The following HFM1 variants were observed in gnomAD, a reference collection of about 807,000 sequenced individuals.
HFM1 encodes probable ATP-dependent DNA helicase HFM1.
HFM1 carries 169 observed loss-of-function variants against 192.1 expected under a neutral mutation model. The ratio of observed to expected loss-of-function variants is 0.88; its 90% confidence interval spans 0.78 to 1.00. The LOEUF (loss-of-function observed/expected upper bound fraction) is 1.00, where lower values mean the gene tolerates loss of function less well. HFM1 is among the 50% of genes least tolerant of loss of function. The pLI is 0.00. For synonymous variants in HFM1, 525 were observed against 537.8 expected, an observed-to-expected ratio of 0.98 and a Z score of 0.33; for missense variants, 1,661 against 1,668.0, an observed-to-expected ratio of 1.00 and a Z score of 0.07.
intron 30 of HFM1, among the ~76,000 whole-genome samples, chr1:91,282,512 C>G (rs948811403): frequency 1.3e-5 from 2 of 152,148 alleles, no homozygotes; most frequent in Admixed American, 6.5e-5. Context: ...AATGTCTCAT[C>G]ACCCTTGGTT....
In HFM1 at chr1:91,329,089, T is replaced by A. The variant is rs1653395413; in HGVS notation, c.2336-4323A>T. Reference sequence around the variant, plus strand: ...CTAGGCAGTGACTACTGTAAGAGTATCTGGAGTATTGGGCCCAAGCGGGCT... The same window carrying A: ...CTAGGCAGTGACTACTGTAAGAGTAACTGGAGTATTGGGCCCAAGCGGGCT... On this transcript the variant is annotated intron_variant, in intron 20 of 38. Coordinates refer to ENST00000370425, the MANE Select transcript of HFM1 (RefSeq NM_001017975.6). 4 of 1,610,066 alleles carry A rather than the reference T, an allele frequency of 2.5e-6. No individual in the cohort carries two copies. The Admixed American group carries it at 5.0e-5, about 20-fold the overall frequency.
intron 30 of HFM1, among the ~76,000 whole-genome samples, chr1:91,299,087 G>C (rs1346224641): frequency 6.6e-6 from 1 of 152,146 alleles, no homozygotes; most frequent in Admixed American, 6.5e-5. Context: ...TAAAGGGATG[G>C]AGGAAGATCT....
At chr1:91,311,727 T>C (rs549809502) in intron 30 of HFM1, among the ~76,000 whole-genome samples, 3 of 152,100 alleles carry the variant, frequency 2.0e-5, no homozygotes, top group African/African-American at 2.4e-5. Context: ...GAAATTTGCA[T>C]AAGTAGCAAG....
In HFM1 at chr1:91,383,579, A is replaced by C. The variant is rs1661811559; in HGVS notation, c.802+1608T>G. On this transcript the variant is annotated intron_variant, in intron 6 of 38. Coordinates refer to ENST00000370425, the MANE Select transcript of HFM1 (RefSeq NM_001017975.6). Reference sequence around the variant, plus strand: ...TCTAACCATACTTCAGAATTATGTCAGATGATCCTTCGAGTGCCCAGGATT... The same window carrying C: ...TCTAACCATACTTCAGAATTATGTCCGATGATCCTTCGAGTGCCCAGGATT... Among the ~76,000 whole-genome samples, 3 of 152,164 alleles carry C rather than the reference A, an allele frequency of 2.0e-5. No homozygotes were observed. The South Asian group carries it at 6.2e-4, about 32-fold the overall frequency.
At chr1:91,296,966 C>T (rs1647701069) in intron 30 of HFM1, among the ~76,000 whole-genome samples, 1 of 152,162 alleles carries the variant, frequency 6.6e-6, no homozygotes, top group South Asian at 2.1e-4. Context: ...GTGCAGTGCA[C>T]CAAGTGTGAG....
chr1:91,360,692 G>C (rs1658376968), intron 13 of HFM1, among the ~76,000 whole-genome samples: 1 of 152,146 alleles, frequency 6.6e-6, no homozygotes, highest in Non-Finnish European at 1.5e-5. Context: ...GGATCAAGTG[G>C]ACCTGACAGA....
chr1:91,279,948 T>C (rs1041123442), intron 30 of HFM1, among the ~76,000 whole-genome samples: 1 of 152,172 alleles, frequency 6.6e-6, no homozygotes, highest in African/African-American at 2.4e-5. Flanking sequence ...GGCTCTTATT[T>C]GGGAAAAAAG....
At chr1:91,312,939 CG>C (rs1650683127) in intron 30 of HFM1, among the ~76,000 whole-genome samples, 1 of 152,056 alleles carries the variant, frequency 6.6e-6, no homozygotes, top group Admixed American at 6.6e-5. Context: ...ATGGGCTTAT[CG>C]GGGTTTCTGC....
At chr1:91,332,220 G>A (rs911298778) in intron 20 of HFM1, among the ~76,000 whole-genome samples, 3 of 152,138 alleles carry the variant, frequency 2.0e-5, no homozygotes, top group South Asian at 2.1e-4. Flanking sequence ...CAGAGCTATA[G>A]TAACCAAAAC....
intron 30 of HFM1, among the ~76,000 whole-genome samples, chr1:91,288,998 T>C (rs538900748): frequency 2.4e-5 from 3 of 125,122 alleles, no homozygotes; most frequent in South Asian, 5.5e-4. Context: ...GCTGGTCAGG[T>C]GGGGGCTACC....
At chr1:91,388,444 G>A (rs976383514) in intron 4 of HFM1, among the ~76,000 whole-genome samples, 8 of 152,192 alleles carry the variant, frequency 5.3e-5, no homozygotes, top group African/African-American at 1.9e-4. Flanking sequence ...TCAACACCCA[G>A]TCTTTACATT....
At chr1:91,341,305 G>A (rs954575368) in intron 20 of HFM1, among the ~76,000 whole-genome samples, 1 of 152,112 alleles carries the variant, frequency 6.6e-6, no homozygotes, top group South Asian at 2.1e-4. Context: ...CAATTACATG[G>A]AAATTAAACA....
chr1:91,328,825 G>A (rs1266274498), intron 20 of HFM1: 53 of 1,611,230 alleles, frequency 3.3e-5, no homozygotes, highest in Non-Finnish European at 4.2e-5. Context: ...TGAGCCTCAT[G>A]GGCATCCCTT....
chr1:91,264,428 A>C (rs1233217651), intron 36 of HFM1, among the ~76,000 whole-genome samples: 1 of 113,010 alleles, frequency 8.8e-6, no homozygotes, highest in Non-Finnish European at 1.7e-5. Context: ...GTGGAAGTGC[A>C]GTGGCGCAAT....
chr1:91,352,497 G>T lies in HFM1; in HGVS notation c.1977+9C>A. ...TTTAAGTATAAAAAGCAAAGTTATTGTCACTTACTTGAGGTCGACCAGCTC... is the reference window on the plus strand; with the variant it reads ...TTTAAGTATAAAAAGCAAAGTTATTTTCACTTACTTGAGGTCGACCAGCTC... On this transcript the variant is annotated intron_variant, in intron 16 of 38. Transcript: ENST00000370425. 1 of 1,546,002 alleles carries T rather than the reference G, an allele frequency of 6.5e-7. No individual in the cohort carries two copies. The highest frequency in any genetic ancestry group is 8.7e-7 in the Non-Finnish European group (1 of 1,151,422).
At chr1:91,262,218 A>G (rs757498375) in intron 38 of HFM1, 23 bp downstream of exon 38, 2 of 1,127,282 alleles carry the variant, frequency 1.8e-6, no homozygotes, top group Admixed American at 5.0e-5. Context: ...TATAATCTTA[A>G]AGTGTCTTTA....
chr1:91,300,738 T>C (rs1458244054), intron 30 of HFM1, among the ~76,000 whole-genome samples: 1 of 152,148 alleles, frequency 6.6e-6, no homozygotes. Context: ...TCAACAACCC[T>C]TCATGCTAAA....
At chr1:91,296,558 A>C (rs1423315932) in intron 30 of HFM1, among the ~76,000 whole-genome samples, 1 of 152,202 alleles carries the variant, frequency 6.6e-6, no homozygotes, top group African/African-American at 2.4e-5. Context: ...AAAAATGACA[A>C]CAACAACAAA....
chr1:91,277,278 A>C (rs1207249120), intron 30 of HFM1, among the ~76,000 whole-genome samples: 1 of 151,642 alleles, frequency 6.6e-6, no homozygotes, highest in Non-Finnish European at 1.5e-5. Flanking sequence ...GGCTATTCAC[A>C]GGCATGATAA....
Sources: allele counts gnomAD v4.1 joint callset (sites outside exome capture counted in the v4.1 genomes callset), GRCh38; gene constraint gnomAD v4.1.1; transcripts MANE v1.5; gene names NCBI Gene and HGNC (gene_info 2026-07-23, HGNC 2026-07-21).